The following SUGCT variants were observed in gnomAD, a reference collection of about 807,000 sequenced individuals.
SUGCT encodes the protein succinyl-CoA:glutarate-CoA transferase.
A neutral mutation model predicts 55.0 loss-of-function variants in SUGCT; 41 were observed. The ratio of observed to expected loss-of-function variants is 0.74; its 90% CI spans 0.58 to 0.97. SUGCT has a LOEUF of 0.97. Among genes scored for constraint, SUGCT ranks in the 50% least tolerant of loss-of-function variants. The probability of loss-of-function intolerance (pLI) is 0.00; values close to 1 mark genes in which losing one functional copy is unlikely to be tolerated. For synonymous variants in SUGCT, 187 were observed against 200.4 expected, an observed-to-expected ratio of 0.93 and a Z score of 0.56; for missense variants, 568 against 547.8, an observed-to-expected ratio of 1.04 and a Z score of -0.37.
At chr7:40,541,611 A>C (rs1052185596) in intron 12 of SUGCT, among the ~76,000 whole-genome samples, 3 of 152,238 alleles carry the variant, frequency 2.0e-5, no homozygotes, top group Non-Finnish European at 1.5e-5. Context: ...GCTCTATCAC[A>C]GAATCCAGTA....
intron 7 of SUGCT, among the ~76,000 whole-genome samples, chr7:40,251,902 G>C (rs1039453324): frequency 1.4e-5 from 2 of 144,360 alleles, no homozygotes; most frequent in African/African-American, 5.1e-5. Context: ...TTCTTCGGTT[G>C]TTAATAGGAC....
chr7:40,449,541 G>A (rs1312969661), intron 10 of SUGCT, among the ~76,000 whole-genome samples, 183 bp downstream of exon 10: 1 of 152,190 alleles, frequency 6.6e-6, no homozygotes, highest in African/African-American at 2.4e-5. Flanking sequence ...GTATTTGGCT[G>A]TATTTTAAAG....
At position 40,274,651 on chromosome 7, in the gene SUGCT, T is replaced by C; in HGVS notation, c.715T>C (p.Ser239Pro). 3 of 1,613,290 alleles carry C rather than the reference T, an allele frequency of 1.9e-6. No individual in the cohort carries two copies. The highest frequency in any genetic ancestry group is 2.5e-6 in the Non-Finnish European group (3 of 1,179,432). ...GTTCATTGATTGTAACCTACTGTCA[T>C]CCCAGGTAACAATCCAACTAACATT... is the stretch of plus-strand genomic sequence containing the variant. ...GLFIDCNLLS[S>P]QVACLSHIAA... is the part of the protein sequence containing the mutation. Residue 239 changes from serine to proline, a missense_variant, in exon 8 of 14, where the codon TCC (serine) becomes CCC (proline). Transcript: ENST00000335693.
the SUGCT span, among the ~76,000 whole-genome samples, chr7:40,887,733 T>G: frequency 9.8e-5 from 15 of 152,320 alleles, no homozygotes; most frequent in African/African-American, 3.6e-4. Context: ...GTGGGAGGGC[T>G]GAGCTTCCTG....
chr7:40,990,746 A>G, the SUGCT span, among the ~76,000 whole-genome samples: 1 of 152,248 alleles, frequency 6.6e-6, no homozygotes, highest in Non-Finnish European at 1.5e-5. Flanking sequence ...TGGCTACTCC[A>G]TCAGCCCTTG....
At chr7:40,467,697 TAA>T (rs1438996207) in intron 11 of SUGCT, among the ~76,000 whole-genome samples, 1 of 152,176 alleles carries the variant, frequency 6.6e-6, no homozygotes, top group Non-Finnish European at 1.5e-5. Context: ...GTAATTCTTA[TAA>T]GACTCAACTT....
chr7:40,650,765 T>G (rs553226921), intron 12 of SUGCT, among the ~76,000 whole-genome samples: 2 of 152,194 alleles, frequency 1.3e-5, no homozygotes, highest in Non-Finnish European at 2.9e-5. Context: ...GCAGGTTTGT[T>G]GCACAGGTAA....
At chr7:40,906,672 A>G in the SUGCT span, among the ~76,000 whole-genome samples, 2 of 152,230 alleles carry the variant, frequency 1.3e-5, no homozygotes, top group African/African-American at 4.8e-5. Context: ...CGTAGGTTAT[A>G]TGCAAATACT....
At chr7:40,265,369 C>G (rs139192058) in intron 7 of SUGCT, among the ~76,000 whole-genome samples, 1 of 152,206 alleles carries the variant, frequency 6.6e-6, no homozygotes, top group East Asian at 1.9e-4. Context: ...AACATATGCC[C>G]AAATTGATTT....
At chr7:40,384,671 G>A (rs1336154722) in intron 9 of SUGCT, among the ~76,000 whole-genome samples, 2 of 151,928 alleles carry the variant, frequency 1.3e-5, no homozygotes, top group African/African-American at 2.4e-5. Context: ...AGCCTCCCAA[G>A]CAGCTGGGAT....
intron 11 of SUGCT, among the ~76,000 whole-genome samples, chr7:40,463,156 G>T (rs1390803650): frequency 6.6e-6 from 1 of 152,120 alleles, no homozygotes; most frequent in African/African-American, 2.4e-5. Flanking sequence ...AATACTTATA[G>T]ACACTTTCCT....
rs144043925 is a variant in SUGCT at position 40,790,693 on chromosome 7, T to C, written c.1153+41196T>C. Among the ~76,000 whole-genome samples, 978 of 152,318 alleles carry C rather than the reference T, an allele frequency of 6.4e-3. 4 individuals are homozygous for C. Among genetic ancestry groups the C allele is most frequent in the Non-Finnish European group, 9.0e-3 (612 of 68,012 alleles). ...GTCATCACGTTTACTTATATGCACA[T>C]AATTTAAATTCTGATAACCTTGAGA... On this transcript the variant is annotated intron_variant, in intron 13 of 13. Coordinates refer to ENST00000335693, the MANE Select transcript of SUGCT (RefSeq NM_001193313.2).
chr7:40,916,683 AC>A, the SUGCT span, among the ~76,000 whole-genome samples: 1 of 152,232 alleles, frequency 6.6e-6, no homozygotes, highest in Non-Finnish European at 1.5e-5. Flanking sequence ...TACTTAAAAA[AC>A]AACTTTATGT....
chr7:40,167,630 C>T (rs537088398), intron 1 of SUGCT, among the ~76,000 whole-genome samples: 2 of 152,212 alleles, frequency 1.3e-5, no homozygotes, highest in South Asian at 2.1e-4. Context: ...CTGTGGGTCA[C>T]GGAAGAGAAC....
the SUGCT span, among the ~76,000 whole-genome samples, chr7:40,999,571 T>A: frequency 6.6e-6 from 1 of 152,134 alleles, no homozygotes; most frequent in Admixed American, 6.5e-5. Flanking sequence ...TATACAAGTG[T>A]TAAACAAAAA....
the SUGCT span, among the ~76,000 whole-genome samples, chr7:41,031,061 A>C: frequency 6.6e-6 from 1 of 152,160 alleles, no homozygotes; most frequent in African/African-American, 2.4e-5. Context: ...TCCCGGGCTC[A>C]AGTGATCTTC....
the SUGCT span, among the ~76,000 whole-genome samples, chr7:40,912,122 C>CTT: frequency 6.6e-6 from 1 of 151,170 alleles, no homozygotes; most frequent in East Asian, 1.9e-4. Flanking sequence ...TGACAGCTTG[C>CTT]TTTTTTTTTC....
chr7:40,298,531 G>A (rs774147959), intron 8 of SUGCT, among the ~76,000 whole-genome samples: 3 of 152,138 alleles, frequency 2.0e-5, no homozygotes, highest in Non-Finnish European at 4.4e-5. Flanking sequence ...TCATGCCCCA[G>A]GGGAAGAGAC....
At chr7:40,389,068 A>G (rs1481126549) in intron 9 of SUGCT, among the ~76,000 whole-genome samples, 1 of 152,158 alleles carries the variant, frequency 6.6e-6, no homozygotes, top group African/African-American at 2.4e-5. Flanking sequence ...AAGAAAGAGT[A>G]TTTGTTTGTA....
Sources: gnomAD v4.1 joint callset for allele counts (sites outside exome capture counted in the v4.1 genomes callset) on GRCh38, gnomAD v4.1.1 for gene constraint, MANE v1.5 for transcripts, NCBI Gene and HGNC (gene_info 2026-07-23, HGNC 2026-07-21) for gene names.